NFIA: variants seen among roughly 807,000 people sequenced by gnomAD.
The protein encoded by NFIA is nuclear factor 1 A-type.
Under a neutral mutation model 62.8 loss-of-function variants are expected in NFIA, and 8 were observed. That is an observed-to-expected ratio of 0.13 (90% CI 0.07 to 0.23). The LOEUF is 0.23. Among genes scored for constraint, NFIA ranks in the 10% least tolerant of loss-of-function variants. NFIA has a pLI of 1.00. For synonymous variants in NFIA, 235 were observed against 238.1 expected, an observed-to-expected ratio of 0.99 and a Z score of 0.12; for missense variants, 410 against 642.1, an observed-to-expected ratio of 0.64 and a Z score of 3.91.
chr1:61,304,209 G>A (rs1292889528), intron 3 of NFIA, among the ~76,000 whole-genome samples: 1 of 152,040 alleles, frequency 6.6e-6, no homozygotes, highest in African/African-American at 2.4e-5. Context: ...CTGAGAGGTG[G>A]AGGTTGCAGT....
intron 3 of NFIA, among the ~76,000 whole-genome samples, chr1:61,285,092 C>G (rs1234766801): frequency 2.0e-5 from 3 of 152,148 alleles, no homozygotes; most frequent in African/African-American, 7.2e-5. Context: ...GAGCCGTCAT[C>G]AAATCACAGT....
rs1246992182 is a variant in NFIA at position 61,455,579 on chromosome 1, G to A, written c.*259G>A. On this transcript the variant is annotated 3_prime_UTR_variant, in exon 11 of 11. Transcript: ENST00000403491. ...CTCATATGGTGCTGGAAATGGTTGGGCTTTGTAACATTTGAAGTGTTTCCA... is the reference window on the plus strand; with the variant it reads ...CTCATATGGTGCTGGAAATGGTTGGACTTTGTAACATTTGAAGTGTTTCCA... 1.8e-6 allele frequency: 1 copy of A among 545,174 alleles called. No homozygotes were observed. The highest frequency in any genetic ancestry group is 3.0e-5 in the South Asian group (1 of 33,590). 33.8% of individuals were successfully genotyped at this position (545,174 alleles called of 1,614,324 possible). A position where few individuals can be genotyped will look rare whatever the true frequency, so the allele number is the denominator to read the frequency against.
chr1:61,445,318 G>T (rs919135530), intron 10 of NFIA, among the ~76,000 whole-genome samples: 1 of 152,058 alleles, frequency 6.6e-6, no homozygotes, highest in African/African-American at 2.4e-5. Context: ...AATCCCAACC[G>T]CAGCCCCATC....
At chr1:61,316,788 C>G (rs921839717) in intron 3 of NFIA, among the ~76,000 whole-genome samples, 15 of 152,130 alleles carry the variant, frequency 9.9e-5, no homozygotes, top group Non-Finnish European at 1.9e-4. Flanking sequence ...CGATCATTCT[C>G]CTGCCTAAAA....
chr1:61,237,791 A>G (rs1655094958), intron 2 of NFIA, among the ~76,000 whole-genome samples: 1 of 152,148 alleles, frequency 6.6e-6, no homozygotes, highest in Non-Finnish European at 1.5e-5. Flanking sequence ...CCAGATATAA[A>G]ATTGGCATCA....
chr1:61,363,489 A>C (rs772643315), intron 6 of NFIA, among the ~76,000 whole-genome samples: 1 of 152,076 alleles, frequency 6.6e-6, no homozygotes, highest in Non-Finnish European at 1.5e-5. Flanking sequence ...CTATAATCCC[A>C]GCTACTCGGG....
chr1:61,351,873 G>C (rs564788996), intron 4 of NFIA, among the ~76,000 whole-genome samples: 6 of 152,272 alleles, frequency 3.9e-5, no homozygotes, highest in South Asian at 2.1e-4. Context: ...CTATGCTCCC[G>C]TAAAACTTTA....
At chr1:61,193,413 CAT>C (rs1651777675) in intron 2 of NFIA, among the ~76,000 whole-genome samples, 1 of 152,192 alleles carries the variant, frequency 6.6e-6, no homozygotes, top group South Asian at 2.1e-4. Context: ...CAACTAATGA[CAT>C]GTGGAAGTCA....
chr1:61,157,914 C>G (rs1028288670), intron 2 of NFIA, among the ~76,000 whole-genome samples: 3 of 152,354 alleles, frequency 2.0e-5, no homozygotes, highest in Admixed American at 2.0e-4. Context: ...TCAAGCACAA[C>G]TTTGAATTGC....
At chr1:61,166,912 C>T (rs1254961078) in intron 2 of NFIA, among the ~76,000 whole-genome samples, 4 of 152,312 alleles carry the variant, frequency 2.6e-5, no homozygotes, top group Admixed American at 6.5e-5. Context: ...GAGGCCAAGG[C>T]GGGCGGATCA....
intron 2 of NFIA, among the ~76,000 whole-genome samples, chr1:61,221,814 G>A (rs746045377): frequency 9.9e-5 from 15 of 152,098 alleles, no homozygotes; most frequent in Non-Finnish European, 2.1e-4. Flanking sequence ...ATGAGGAAAT[G>A]TTTTAGGGAC....
intron 2 of NFIA, among the ~76,000 whole-genome samples, chr1:61,131,980 C>T (rs935877932): frequency 2.6e-5 from 4 of 152,158 alleles, no homozygotes; most frequent in African/African-American, 4.8e-5. Context: ...CTTGTTCCTA[C>T]TCCTGGCTTT....
chr1:61,425,795 G>A (rs1666838412), intron 9 of NFIA, among the ~76,000 whole-genome samples: 1 of 152,214 alleles, frequency 6.6e-6, no homozygotes. Context: ...TGATATCTTA[G>A]TTGATAAAGG....
intron 2 of NFIA, among the ~76,000 whole-genome samples, chr1:61,153,237 C>T (rs1648548559): frequency 6.6e-6 from 1 of 152,202 alleles, no homozygotes; most frequent in Non-Finnish European, 1.5e-5. Context: ...GCCATAATCC[C>T]CACTGTTCCC....
intron 3 of NFIA, among the ~76,000 whole-genome samples, chr1:61,311,378 T>G (rs2806438): frequency 6.6e-6 from 1 of 152,012 alleles, no homozygotes; most frequent in African/African-American, 2.4e-5. Flanking sequence ...GCAACAAAAG[T>G]GAAACTCCGT....
intron 4 of NFIA, among the ~76,000 whole-genome samples, chr1:61,345,702 A>G (rs2100418548): frequency 6.6e-6 from 1 of 152,322 alleles, no homozygotes; most frequent in South Asian, 2.1e-4. Context: ...CCTGGGTTGC[A>G]GCCTCCTTAT....
At chr1:61,244,148 C>G (rs1655508461) in intron 2 of NFIA, among the ~76,000 whole-genome samples, 1 of 152,182 alleles carries the variant, frequency 6.6e-6, no homozygotes, top group Non-Finnish European at 1.5e-5. Context: ...GCAACCCAAA[C>G]AGCTGTTATT....
At chr1:61,109,219 A>G (rs1247920222) in intron 2 of NFIA, among the ~76,000 whole-genome samples, 1 of 151,924 alleles carries the variant, frequency 6.6e-6, no homozygotes, top group Admixed American at 6.6e-5. Context: ...AAGAGTAGAA[A>G]GCTATTAAGC....
chr1:61,257,861 G>GTTT (rs58077067), intron 2 of NFIA, among the ~76,000 whole-genome samples: 4 of 126,450 alleles, frequency 3.2e-5, no homozygotes, highest in African/African-American at 8.9e-5. Context: ...ATGCTTAGCT[G>GTTT]TTTTTTTTTT....
Sources: gnomAD v4.1 joint callset for allele counts (sites outside exome capture counted in the v4.1 genomes callset) on GRCh38, gnomAD v4.1.1 for gene constraint, MANE v1.5 for transcripts, NCBI Gene and HGNC (gene_info 2026-07-23, HGNC 2026-07-21) for gene names.